MAST4: variants seen among roughly 807,000 people sequenced by gnomAD.
The protein encoded by MAST4 is microtubule-associated serine/threonine-protein kinase 4.
Under a neutral mutation model 162.7 loss-of-function variants are expected in MAST4, and 89 were observed. The observed-to-expected ratio is 0.55, with a 90% CI of 0.46 to 0.65. The LOEUF is 0.65. Among genes scored for constraint, MAST4 ranks in the 30% least tolerant of loss-of-function variants. The pLI is 0.00. For synonymous variants in MAST4, 1,479 were observed against 1,361.1 expected, an observed-to-expected ratio of 1.09 and a Z score of -1.91; for missense variants, 3,153 against 3,374.0, an observed-to-expected ratio of 0.93 and a Z score of 1.62.
chr5:66,893,703 T>G (rs1032731553), intron 3 of MAST4, among the ~76,000 whole-genome samples: 83 of 152,358 alleles, frequency 5.4e-4, no homozygotes, highest in Non-Finnish European at 3.2e-4. Context: ...GCTGTGTGGT[T>G]TGACTGTTCA....
intron 1 of MAST4, among the ~76,000 whole-genome samples, chr5:66,644,764 G>A (rs866105695): frequency 2.5e-5 from 2 of 81,542 alleles, no homozygotes; most frequent in Admixed American, 1.1e-4. Context: ...TTTTTTTTTT[G>A]TAAATGGAAA....
intron 4 of MAST4, among the ~76,000 whole-genome samples, chr5:66,942,999 G>A (rs970016426): frequency 2.0e-5 from 3 of 152,046 alleles, no homozygotes; most frequent in Non-Finnish European, 4.4e-5. Flanking sequence ...AGGTAGAAAG[G>A]GGTGTGGCAG....
chr5:66,797,568 G>T (rs954515288), intron 3 of MAST4, among the ~76,000 whole-genome samples: 1 of 152,118 alleles, frequency 6.6e-6, no homozygotes, highest in South Asian at 2.1e-4. Context: ...AAATCTGTGC[G>T]AAACGTGGTC....
intron 1 of MAST4, among the ~76,000 whole-genome samples, chr5:66,674,562 G>A (rs1747829779): frequency 6.6e-6 from 1 of 152,164 alleles, no homozygotes; most frequent in African/African-American, 2.4e-5. Flanking sequence ...AAGATTAGAC[G>A]AATAGCACCT....
chr5:66,981,571 T>C (rs1419944344), intron 4 of MAST4, among the ~76,000 whole-genome samples: 2 of 152,216 alleles, frequency 1.3e-5, no homozygotes, highest in Admixed American at 6.5e-5. Context: ...AGAGTTGCAT[T>C]GAATTTATTT....
chr5:66,655,959 T>C (rs1746515988), intron 1 of MAST4, among the ~76,000 whole-genome samples: 1 of 152,214 alleles, frequency 6.6e-6, no homozygotes, highest in South Asian at 2.1e-4. Flanking sequence ...GGAAAATATT[T>C]ATTGAAAATG....
chr5:66,651,570 G>C (rs1746221824), intron 1 of MAST4, among the ~76,000 whole-genome samples: 1 of 151,964 alleles, frequency 6.6e-6, no homozygotes, highest in Admixed American at 6.6e-5. Flanking sequence ...AGATATACTA[G>C]ATGACAATGG....
rs767219421 is a variant in MAST4, at chr5:67,165,129, G to A, written c.5950G>A (p.Glu1984Lys). ...AAGAGGCCCTCCCACAGCCAGAAGCGAGCGCTCTGCTGCGAGGGCTGACAC... is the reference window on the plus strand; with the variant it reads ...AAGAGGCCCTCCCACAGCCAGAAGCAAGCGCTCTGCTGCGAGGGCTGACAC... ...SERGPPTARS[E>K]RSAARADTCR... Residue 1984 changes from glutamate (E) to lysine (K), a missense_variant, in exon 29 of 29, where the codon GAG (glutamate) becomes AAG (lysine). By Grantham distance (56) the Glu-to-Lys change is moderately conservative (BLOSUM62 1). Transcript: ENST00000403625. The A allele has an allele frequency of 1.8e-5, 28 of 1,589,384 alleles. No individual in the cohort carries two copies. Among genetic ancestry groups the A allele is most frequent in the Admixed American group, 9.0e-5 (5 of 55,640 alleles).
chr5:66,649,417 T>C (rs1746068059), intron 1 of MAST4, among the ~76,000 whole-genome samples: 1 of 152,166 alleles, frequency 6.6e-6, no homozygotes, highest in Non-Finnish European at 1.5e-5. Flanking sequence ...CTCCACTTGA[T>C]GTAGAGGAGC....
At chr5:67,078,860 A>ATTTT (rs1762087309) in intron 5 of MAST4, among the ~76,000 whole-genome samples, 3 of 114,686 alleles carry the variant, frequency 2.6e-5, no homozygotes, top group African/African-American at 1.1e-4. Context: ...ATATATTTAT[A>ATTTT]TAAATATATA....
intron 3 of MAST4, among the ~76,000 whole-genome samples, chr5:66,882,983 G>T (rs1015038186): frequency 5.9e-5 from 9 of 152,078 alleles, no homozygotes; most frequent in Non-Finnish European, 1.2e-4. Flanking sequence ...CTATGACCAG[G>T]GACCATTGCT....
In MAST4 at chr5:66,923,236, C is replaced by G. The variant is rs202115202; in HGVS notation, c.674+23254C>G. ...TATTAATGTCTGCAAAGCCAGATGG[C>G]TTTGTAAAATGAGTGCAAAAGCAGT... On this transcript the variant is annotated intron_variant, in intron 4 of 28. Transcript: ENST00000403625. Among the ~76,000 whole-genome samples, 7 of 152,156 alleles carry G rather than the reference C, an allele frequency of 4.6e-5. No individual in the cohort carries two copies. In the East Asian group the frequency reaches 1.3e-3, roughly 29 times the overall value.
intron 4 of MAST4, among the ~76,000 whole-genome samples, chr5:66,947,783 G>T (rs923250763): frequency 6.6e-6 from 1 of 152,124 alleles, no homozygotes; most frequent in Admixed American, 6.6e-5. Context: ...TTTTTATTTA[G>T]ATTTGAGATC....
At chr5:66,908,948 A>G (rs1221610945) in intron 4 of MAST4, among the ~76,000 whole-genome samples, 2 of 152,214 alleles carry the variant, frequency 1.3e-5, no homozygotes, top group African/African-American at 2.4e-5. Context: ...TAATATTTGT[A>G]AAGTGTTTAT....
chr5:66,690,495 T>A (rs972880320), intron 1 of MAST4, among the ~76,000 whole-genome samples: 1 of 152,224 alleles, frequency 6.6e-6, no homozygotes, highest in African/African-American at 2.4e-5. Context: ...AAATTTCAAA[T>A]GCCACTGGCT....
chr5:66,597,953 T>C (rs1275489143), intron 1 of MAST4, among the ~76,000 whole-genome samples: 1 of 152,184 alleles, frequency 6.6e-6, no homozygotes, highest in Non-Finnish European at 1.5e-5. Context: ...GTCATCTTGA[T>C]CAGGCAGGGC....
At chr5:66,837,894 A>ATATT (rs1554057455) in intron 3 of MAST4, among the ~76,000 whole-genome samples, 102 of 53,652 alleles carry the variant, frequency 1.9e-3, no homozygotes, top group Non-Finnish European at 2.3e-3. Context: ...ATATATATAT[A>ATATT]TTTTTTTTTT....
chr5:66,844,067 T>G (rs1217104578), intron 3 of MAST4, among the ~76,000 whole-genome samples: 8 of 151,922 alleles, frequency 5.3e-5, no homozygotes, highest in Admixed American at 2.6e-4. Context: ...TCAGACACTT[T>G]CCTTAGGTTG....
At chr5:66,947,098 C>A (rs879618360) in intron 4 of MAST4, among the ~76,000 whole-genome samples, 5 of 152,086 alleles carry the variant, frequency 3.3e-5, no homozygotes, top group African/African-American at 9.7e-5. Context: ...TGAGTAAATT[C>A]TCTTAGGGAC....
Sources: gnomAD v4.1 joint callset for allele counts (sites outside exome capture counted in the v4.1 genomes callset) on GRCh38, gnomAD v4.1.1 for gene constraint, MANE v1.5 for transcripts, NCBI Gene and HGNC (gene_info 2026-07-23, HGNC 2026-07-21) for gene names.